SSH1: variants seen among roughly 807,000 people sequenced by gnomAD.
SSH1 encodes the protein slingshot protein phosphatase 1, also known as protein phosphatase Slingshot homolog 1.
In SSH1, 43 loss-of-function variants were observed where a neutral mutation model predicts 79.7. That is an observed-to-expected ratio of 0.54 (90% CI 0.42 to 0.70). The LOEUF (loss-of-function observed/expected upper bound fraction) is 0.70, where lower values mean the gene tolerates loss of function less well. Among genes scored for constraint, SSH1 ranks in the 30% least tolerant of loss-of-function variants. SSH1 has a pLI of 0.00. For missense variants in SSH1, 1,206 were observed against 1,358.8 expected, an observed-to-expected ratio of 0.89 and a Z score of 1.77; for synonymous variants, 599 against 538.3, an observed-to-expected ratio of 1.11 and a Z score of -1.56.
intron 13 of SSH1, 72 bp downstream of exon 13, chr12:108,798,928 A>G: frequency 6.4e-7 from 1 of 1,557,576 alleles, no homozygotes; most frequent in South Asian, 1.1e-5. Context: ...CTGCCGACAG[A>G]GGCCTGGCTG....
intron 2 of SSH1, among the ~76,000 whole-genome samples, chr12:108,847,571 C>T (rs768787771): frequency 3.3e-5 from 5 of 152,182 alleles, no homozygotes; most frequent in Non-Finnish European, 7.3e-5. Context: ...AATTCTCCTG[C>T]CTCAGCCTCC....
intron 1 of SSH1, among the ~76,000 whole-genome samples, chr12:108,854,631 G>A (rs2039108312): frequency 6.6e-6 from 1 of 152,216 alleles, no homozygotes; most frequent in African/African-American, 2.4e-5. Flanking sequence ...GTTGCAATTT[G>A]AAGAGTGATG....
chr12:108,797,349 T>C (rs775279590), intron 13 of SSH1, among the ~76,000 whole-genome samples: 3 of 151,618 alleles, frequency 2.0e-5, no homozygotes, highest in African/African-American at 4.8e-5. Context: ...ATGACAGCAA[T>C]AGGAGGCAGA....
rs545521322 is a variant in SSH1 at position 108,783,590 on chromosome 12, T to C, written c.*4398A>G. The stretch of plus-strand genomic sequence containing the variant: ...ACTGAAGCCGGGGCCCCAGCACCTA[T>C]GGCCAAACAAGAAGACGGCAGTCTC... On this transcript the variant is annotated 3_prime_UTR_variant, in exon 15 of 15. Transcript: ENST00000326495. 6.6e-6 allele frequency: 1 copy of C among 152,282 alleles called. No homozygotes were observed. The highest frequency in any genetic ancestry group is 6.5e-5 in the Admixed American group (1 of 15,290). The allele number at this position is 152,282 out of a possible 1,614,324, so 9.4% of individuals were successfully genotyped here.
intron 2 of SSH1, among the ~76,000 whole-genome samples, chr12:108,851,386 AC>A (rs2039036603): frequency 6.6e-6 from 1 of 152,052 alleles, no homozygotes; most frequent in Non-Finnish European, 1.5e-5. Flanking sequence ...TGAATGGTTG[AC>A]CCCAATTTCT....
chr12:108,821,531 C>T (rs544781984), intron 3 of SSH1, among the ~76,000 whole-genome samples: 1 of 152,088 alleles, frequency 6.6e-6, no homozygotes, highest in East Asian at 1.9e-4. Context: ...AGGTATGTTA[C>T]ACGCATAACT....
rs752652074 is a variant in SSH1 at position 108,811,346 on chromosome 12, A to C, written c.402-18T>G. On this transcript the variant is annotated intron_variant, in intron 5 of 14. Transcript: ENST00000326495. The stretch of plus-strand genomic sequence containing the variant: ...AGCTTTTACTGCGATGGGGGAGAGA[A>C]GACATGTGGAGTCAGCGTCTACCCA... The C allele has an allele frequency of 1.2e-6, 2 of 1,613,596 alleles. No homozygotes were observed. The highest frequency in any genetic ancestry group is 1.7e-6 in the Non-Finnish European group (2 of 1,179,498).
At chr12:108,852,846 T>C (rs1276224643) in intron 1 of SSH1, 168 bp from the exon 2 acceptor site, 1 of 985,306 alleles carries the variant, frequency 1.0e-6, no homozygotes, top group Non-Finnish European at 1.2e-6. Context: ...GTCTGTCCCT[T>C]GGAGTCATTT....
At chr12:108,811,865 A>C (rs992037392) in intron 5 of SSH1, among the ~76,000 whole-genome samples, 1 of 152,214 alleles carries the variant, frequency 6.6e-6, no homozygotes, top group African/African-American at 2.4e-5. Context: ...ACAGAGGGAA[A>C]GAAAGGGCTT....
At chr12:108,827,682 T>A in intron 2 of SSH1, 1 of 617,828 alleles carries the variant, frequency 1.6e-6, no homozygotes, top group Non-Finnish European at 2.2e-6. Flanking sequence ...CATTCGACAT[T>A]GTGAGGGCAA....
Position 108,857,464 on chromosome 12 carries a change from C to A in SSH1, c.33G>T (p.Thr11=), listed in dbSNP as rs1442107204. ...TGGCCGAGGAGGAGGCGGCGCTGGG[C>A]GTGGGCGAGCGCTGCAGGGTCACCA... is the stretch of plus-strand genomic sequence containing the variant. The part of the protein sequence containing the change: MALVTLQRSP[T]PSAASSSASN... The change falls in exon 1 of 15, where the codon ACG becomes ACT. Residue 11 remains threonine (T), a synonymous_variant. Transcript: ENST00000326495. This position sits in a 1 kb window ranked among gnomAD's most constrained non-coding sequence, Gnocchi z 4.7. 1 of 1,128,822 alleles carries A rather than the reference C, an allele frequency of 8.9e-7. No individual in the cohort carries two copies. The highest frequency in any genetic ancestry group is 1.1e-6 in the Non-Finnish European group (1 of 903,474). 69.9% of individuals were successfully genotyped at this position (1,128,822 alleles called of 1,614,324 possible). A position where few individuals can be genotyped will look rare whatever the true frequency, so the allele number is the denominator to read the frequency against.
intron 10 of SSH1, 123 bp downstream of exon 10, chr12:108,804,933 T>C (rs1039081499): frequency 2.5e-6 from 3 of 1,202,244 alleles, no homozygotes; most frequent in Admixed American, 1.9e-5. Flanking sequence ...CCAGCCAGGA[T>C]GGAGGCTCTG....
chr12:108,811,342 G>GA lies in SSH1; in HGVS notation c.402-15dup, dbSNP rs1440269275. 2 of 1,613,934 alleles carry GA rather than the reference G, an allele frequency of 1.2e-6. No homozygotes were observed. Among genetic ancestry groups the GA allele is most frequent in the Non-Finnish European group, 1.7e-6 (2 of 1,179,870 alleles). On this transcript the variant is annotated splice_polypyrimidine_tract_variant and intron_variant, in intron 5 of 14. Transcript: ENST00000326495. ...GTGCAGCTTTTACTGCGATGGGGGA[G>GA]AGAAGACATGTGGAGTCAGCGTCTA... is the stretch of plus-strand genomic sequence containing the variant.
chr12:108,824,380 G>A (rs896334129), intron 2 of SSH1, among the ~76,000 whole-genome samples: 7 of 152,150 alleles, frequency 4.6e-5, no homozygotes, highest in Middle Eastern at 3.4e-3. Flanking sequence ...CCCCAGGGAC[G>A]GAGGTTGGAG....
chr12:108,838,004 G>A (rs1469012581), intron 2 of SSH1, among the ~76,000 whole-genome samples: 4 of 152,060 alleles, frequency 2.6e-5, no homozygotes, highest in African/African-American at 9.7e-5. Context: ...GGCTGGTACT[G>A]AACTCCTAGG....
In SSH1 at chr12:108,823,345, A is replaced by G; in HGVS notation, c.127T>C (p.Phe43Leu). 2 of 1,572,050 alleles carry G rather than the reference A, an allele frequency of 1.3e-6. No individual in the cohort carries two copies. Among genetic ancestry groups the G allele is most frequent in the East Asian group, 4.6e-5 (2 of 43,688 alleles). ...AAGAGGGCTGCGCCTTTCACCATGA[A>G]AAAGCTCTCACTTAAGCTGGGAAGG... ...KLNLSLSESF[F>L]MVKGAALFLQ... Residue 43 changes from phenylalanine to leucine, a missense_variant, in exon 3 of 15, where the codon TTC becomes CTC. Phe to Leu is a conservative substitution (Grantham distance 22, BLOSUM62 0). Transcript: ENST00000326495.
intron 2 of SSH1, among the ~76,000 whole-genome samples, chr12:108,832,282 G>C (rs1177681524): frequency 6.6e-6 from 1 of 152,058 alleles, no homozygotes; most frequent in East Asian, 1.9e-4. Flanking sequence ...GGGAGACAGA[G>C]GGAGACTCTG....
At chr12:108,826,222 T>C in intron 2 of SSH1, 2 of 445,766 alleles carry the variant, frequency 4.5e-6, no homozygotes, top group Non-Finnish European at 8.9e-6. Flanking sequence ...AAAGGAACAA[T>C]GCAACAGACT....
intron 2 of SSH1, among the ~76,000 whole-genome samples, chr12:108,834,943 T>G (rs2038563383): frequency 6.6e-6 from 1 of 152,022 alleles, no homozygotes; most frequent in Non-Finnish European, 1.5e-5. Context: ...CTGGGCACAC[T>G]GGGCACTCCC....
Sources: gnomAD v4.1 joint callset for allele counts (sites outside exome capture counted in the v4.1 genomes callset) on GRCh38, gnomAD v4.1.1 for gene constraint, Gnocchi (gnomAD v3.1) non-coding constraint, MANE v1.5 for transcripts, NCBI Gene and HGNC (gene_info 2026-07-23, HGNC 2026-07-21) for gene names.